Variants in FHIT observed in about 807,000 individuals in gnomAD.
FHIT encodes bis(5'-adenosyl)-triphosphatase.
Under a neutral mutation model 17.9 loss-of-function variants are expected in FHIT, and 19 were observed. The ratio of observed to expected loss-of-function variants is 1.06; its 90% confidence interval spans 0.74 to 1.56. FHIT has a LOEUF of 1.56. Ranked by LOEUF, FHIT falls within the 40% of genes most tolerant of loss-of-function variation. The probability of loss-of-function intolerance (pLI) is 0.00; values close to 1 mark genes in which losing one functional copy is unlikely to be tolerated. For synonymous variants in FHIT, 81 were observed against 69.7 expected (o/e 1.16, Z -0.81); for missense variants, 248 against 189.2 (o/e 1.31, Z -1.82).
intron 3 of FHIT, among the ~76,000 whole-genome samples, chr3:60,966,033 A>C (rs1393434384): frequency 6.6e-6 from 1 of 152,100 alleles, no homozygotes; most frequent in East Asian, 1.9e-4. Flanking sequence ...CCCTGACCCT[A>C]GAGGTGGAGT....
intron 2 of FHIT, among the ~76,000 whole-genome samples, chr3:61,181,103 G>A (rs1576163098): frequency 6.6e-6 from 1 of 152,114 alleles, no homozygotes; most frequent in East Asian, 1.9e-4. Flanking sequence ...TTCTTAGCTT[G>A]ACAAATCACA....
At chr3:59,827,294 C>T (rs1701010810) in intron 8 of FHIT, among the ~76,000 whole-genome samples, 1 of 152,126 alleles carries the variant, frequency 6.6e-6, no homozygotes, top group Non-Finnish European at 1.5e-5. Context: ...GGACAAACTG[C>T]TGAGTTAAAT....
At chr3:60,681,840 C>A (rs1411592109) in intron 4 of FHIT, among the ~76,000 whole-genome samples, 3 of 152,154 alleles carry the variant, frequency 2.0e-5, no homozygotes, top group African/African-American at 7.2e-5. Context: ...GAGGCTGATT[C>A]ATGAGGTTCA....
chr3:60,783,724 A>T (rs1553726224), intron 4 of FHIT, among the ~76,000 whole-genome samples: 2 of 152,214 alleles, frequency 1.3e-5, no homozygotes, highest in African/African-American at 4.8e-5. Flanking sequence ...TTTCATCAAC[A>T]GTTGTCTCTT....
chr3:60,758,575 C>T (rs556674944), intron 4 of FHIT, among the ~76,000 whole-genome samples: 32 of 152,234 alleles, frequency 2.1e-4, no homozygotes, highest in African/African-American at 6.3e-4. Flanking sequence ...AAATCATGGG[C>T]GTGCGGATTC....
chr3:59,787,628 T>C (rs1399245136), intron 8 of FHIT, among the ~76,000 whole-genome samples: 1 of 152,106 alleles, frequency 6.6e-6, no homozygotes, highest in East Asian at 1.9e-4. Flanking sequence ...ATTAGCTCAA[T>C]TGTTCTGAGA....
At chr3:61,069,599 A>G (rs72877821) in intron 2 of FHIT, among the ~76,000 whole-genome samples, 16,050 of 152,214 alleles carry the variant, frequency 0.11, 2,546 homozygotes, top group African/African-American at 0.34. Context: ...TTAAGGAAGT[A>G]ATTTCAAAAA....
intron 4 of FHIT, among the ~76,000 whole-genome samples, chr3:60,634,356 T>C (rs55688420): frequency 0.1 from 15,853 of 152,154 alleles, 1,126 homozygotes; most frequent in Non-Finnish European, 0.15. Context: ...AATTCACCGC[T>C]ACATAAATTA....
chr3:60,714,608 A>G (rs1290747746), intron 4 of FHIT, among the ~76,000 whole-genome samples: 2 of 152,196 alleles, frequency 1.3e-5, no homozygotes, highest in Admixed American at 6.5e-5. Context: ...AAATCAATGT[A>G]CAAAAATCAC....
In FHIT at chr3:60,070,116, G is replaced by A. The variant is rs1452366250; in HGVS notation, c.104-55964C>T. Among the ~76,000 whole-genome samples the A allele has an allele frequency of 5.9e-5, 9 of 152,182 alleles. No individual in the cohort carries two copies. The South Asian group carries it at 8.3e-4, about 14-fold the overall frequency. On this transcript the variant is annotated intron_variant, in intron 5 of 9. Coordinates refer to ENST00000492590, the MANE Select transcript of FHIT (RefSeq NM_002012.4). The stretch of plus-strand genomic sequence containing the variant: ...CTGCTTTGCAATGACCAACTTGGTG[G>A]CCACATCCAAGTCACAGGGCTCAGG...
At chr3:59,861,680 A>G (rs1012732440) in intron 8 of FHIT, among the ~76,000 whole-genome samples, 1 of 152,208 alleles carries the variant, frequency 6.6e-6, no homozygotes, top group African/African-American at 2.4e-5. Context: ...ACTGAAAATC[A>G]CATTCATCAC....
In FHIT at chr3:61,188,719, A is replaced by C. The variant is rs532335457; in HGVS notation, c.-164+11898T>G. Among the ~76,000 whole-genome samples the C allele has an allele frequency of 2.2e-4, 33 of 152,248 alleles. 1 individual carries two copies. In the South Asian group the frequency reaches 6.4e-3, roughly 30 times the overall value. On this transcript the variant is annotated intron_variant, in intron 2 of 9. Transcript: ENST00000492590. ...GCAAACCGAATCCAGCAGCACATCA[A>C]AAAGCTTATCCACCATGATCAAGTG... is the stretch of plus-strand genomic sequence containing the variant.
chr3:60,022,433 G>C (rs148726158), intron 5 of FHIT, among the ~76,000 whole-genome samples: 5 of 152,186 alleles, frequency 3.3e-5, no homozygotes, highest in Non-Finnish European at 5.9e-5. Context: ...GAGCGAAAAT[G>C]ATATACGTCA....
intron 4 of FHIT, among the ~76,000 whole-genome samples, chr3:60,657,934 G>A (rs963321755): frequency 1.3e-5 from 2 of 151,898 alleles, no homozygotes; most frequent in Non-Finnish European, 2.9e-5. Flanking sequence ...TTTTTTTGTG[G>A]TAAAACATAC....
chr3:60,347,676 G>T (rs1342419579), intron 5 of FHIT, among the ~76,000 whole-genome samples: 1 of 17,586 alleles, frequency 5.7e-5, no homozygotes, highest in Non-Finnish European at 1.0e-4. Context: ...CCACTGGTTT[G>T]GGGGGGGGGG....
chr3:59,987,037 TAAAATATATAA>T (rs1366223718), intron 7 of FHIT, among the ~76,000 whole-genome samples: 4 of 107,102 alleles, frequency 3.7e-5, no homozygotes, highest in African/African-American at 1.2e-4. Context: ...ATAAAATATA[TAAAATATATAA>T]AAATATAAAA....
At chr3:59,927,680 A>C (rs1705740410) in intron 7 of FHIT, among the ~76,000 whole-genome samples, 1 of 152,108 alleles carries the variant, frequency 6.6e-6, no homozygotes, top group African/African-American at 2.4e-5. Flanking sequence ...GATGTAGGAG[A>C]ATCGCTTGAA....
At chr3:60,936,935 A>G (rs1197044372) in intron 3 of FHIT, among the ~76,000 whole-genome samples, 1 of 152,200 alleles carries the variant, frequency 6.6e-6, no homozygotes, top group Non-Finnish European at 1.5e-5. Flanking sequence ...GCCAAATTGT[A>G]TTCAGTTGAC....
At chr3:60,984,467 C>T (rs948231685) in intron 3 of FHIT, among the ~76,000 whole-genome samples, 1 of 152,166 alleles carries the variant, frequency 6.6e-6, no homozygotes, top group African/African-American at 2.4e-5. Context: ...TCATCCAATA[C>T]TTGGCAAGTG....
Sources: allele counts gnomAD v4.1 joint callset (sites outside exome capture counted in the v4.1 genomes callset), GRCh38; gene constraint gnomAD v4.1.1; transcripts MANE v1.5; gene names NCBI Gene and HGNC (gene_info 2026-07-23, HGNC 2026-07-21).